Variants in SPAG16 observed in about 807,000 individuals in gnomAD.
SPAG16 encodes the protein sperm associated antigen 16.
SPAG16 carries 86 observed loss-of-function variants against 80.4 expected under a neutral mutation model. The observed-to-expected ratio is 1.07, with a 90% confidence interval of 0.90 to 1.28. SPAG16 has a LOEUF of 1.28. Among genes scored for constraint, SPAG16 ranks in the 50% most tolerant of loss-of-function variants. The pLI is 0.00. For missense variants in SPAG16, 870 were observed against 765.3 expected, an observed-to-expected ratio of 1.14 and a Z score of -1.61; for synonymous variants, 294 against 265.9, an observed-to-expected ratio of 1.11 and a Z score of -1.03.
At chr2:214,145,069 T>C (rs2055570261) in intron 14 of SPAG16, among the ~76,000 whole-genome samples, 1 of 152,126 alleles carries the variant, frequency 6.6e-6, no homozygotes, top group Admixed American at 6.5e-5. Context: ...TGCCATAAGA[T>C]ATGTTTATAT....
At chr2:213,872,584 T>C (rs2075995413) in intron 11 of SPAG16, among the ~76,000 whole-genome samples, 1 of 152,170 alleles carries the variant, frequency 6.6e-6, no homozygotes, top group South Asian at 2.1e-4. Context: ...TGATTGTTTT[T>C]TTGTTATCAA....
chr2:213,360,897 T>C (rs141764608), intron 7 of SPAG16, among the ~76,000 whole-genome samples: 74 of 152,306 alleles, frequency 4.9e-4, no homozygotes, highest in Middle Eastern at 6.8e-3. Context: ...CTTTAGGATG[T>C]GAGTTAAGAG....
chr2:214,242,420 G>T (rs183088731), intron 15 of SPAG16, among the ~76,000 whole-genome samples: 2 of 152,092 alleles, frequency 1.3e-5, no homozygotes, highest in African/African-American at 4.8e-5. Context: ...TGATTCACCC[G>T]TGTCAAAGAA....
chr2:213,879,164 T>TG (rs1395545501), intron 11 of SPAG16, among the ~76,000 whole-genome samples: 1 of 146,790 alleles, frequency 6.8e-6, no homozygotes, highest in African/African-American at 2.7e-5. Flanking sequence ...AATTTTAGGA[T>TG]TTTTTTTTCT....
chr2:214,370,231 G>A (rs1382822718), intron 15 of SPAG16, among the ~76,000 whole-genome samples: 1 of 151,966 alleles, frequency 6.6e-6, no homozygotes, highest in Non-Finnish European at 1.5e-5. Context: ...CTGACATTAT[G>A]TAAATAAAAT....
chr2:214,105,537 A>G (rs2053339696), intron 13 of SPAG16, among the ~76,000 whole-genome samples: 1 of 152,200 alleles, frequency 6.6e-6, no homozygotes, highest in African/African-American at 2.4e-5. Context: ...CAAAAATTAA[A>G]TGTGGCCATT....
chr2:214,076,638 A>C (rs1441860310), intron 13 of SPAG16, among the ~76,000 whole-genome samples: 1 of 151,932 alleles, frequency 6.6e-6, no homozygotes, highest in Admixed American at 6.6e-5. Flanking sequence ...ATGTTTGACT[A>C]CTGAGTCTAT....
chr2:213,919,639 T>C (rs1210583643), intron 11 of SPAG16, among the ~76,000 whole-genome samples: 2 of 152,224 alleles, frequency 1.3e-5, no homozygotes, highest in Non-Finnish European at 2.9e-5. Context: ...AATTTTATTG[T>C]GCTGTGATGC....
At chr2:213,393,502 G>C (rs192059461) in intron 9 of SPAG16, among the ~76,000 whole-genome samples, 2 of 151,956 alleles carry the variant, frequency 1.3e-5, no homozygotes, top group Admixed American at 1.3e-4. Context: ...GGTGGCTCTA[G>C]GTCATTTCAC....
intron 10 of SPAG16, among the ~76,000 whole-genome samples, chr2:213,706,635 C>T (rs913068380): frequency 2.0e-5 from 3 of 152,152 alleles, no homozygotes; most frequent in African/African-American, 4.8e-5. Context: ...AATTGGATCA[C>T]GGCACTCCCT....
rs569970264 is a variant in SPAG16, at chr2:214,217,834, T to C, written c.1720+68568T>C. ...ATGTAGCTTCCCTGGGAGTGGCTCA[T>C]GGTGTTTTGTTAGACATTCTGAAGT... On this transcript the variant is annotated intron_variant, in intron 15 of 15. Transcript: ENST00000331683. Among the ~76,000 whole-genome samples the C allele has an allele frequency of 1.4e-4, 21 of 152,310 alleles. No homozygotes were observed. In the South Asian group the frequency reaches 4.3e-3, roughly 32 times the overall value.
At chr2:213,925,287 T>A (rs17708896) in intron 11 of SPAG16, among the ~76,000 whole-genome samples, 88,736 of 151,728 alleles carry the variant, frequency 0.58, 27,776 homozygotes, top group South Asian at 0.84. Context: ...ATATCCTTAG[T>A]AATTTCTGTA....
chr2:214,101,545 A>G (rs1409397189), intron 13 of SPAG16, among the ~76,000 whole-genome samples: 1 of 152,162 alleles, frequency 6.6e-6, no homozygotes, highest in African/African-American at 2.4e-5. Flanking sequence ...CTCTTAAGCC[A>G]GAACTCATTA....
At chr2:213,406,538 G>C (rs1187740125) in intron 9 of SPAG16, among the ~76,000 whole-genome samples, 1 of 152,018 alleles carries the variant, frequency 6.6e-6, no homozygotes. Context: ...ATAAGTCAAA[G>C]CATTGTATTT....
chr2:214,339,555 T>A (rs1425872973), intron 15 of SPAG16, among the ~76,000 whole-genome samples: 1 of 152,214 alleles, frequency 6.6e-6, no homozygotes, highest in Non-Finnish European at 1.5e-5. Flanking sequence ...AGGGAGCTTC[T>A]CAGGAGTAGA....
At chr2:214,351,064 T>C (rs1236874615) in intron 15 of SPAG16, among the ~76,000 whole-genome samples, 6 of 152,148 alleles carry the variant, frequency 3.9e-5, no homozygotes, top group Admixed American at 2.6e-4. Flanking sequence ...AGAGTGGAGA[T>C]TGTAATACTA....
chr2:213,939,643 T>A lies in SPAG16; in HGVS notation c.1400+9498T>A, dbSNP rs957803990. ...TCACACATAAACCACCCAATTAAGA[T>A]CATTTGAAGCGGTTTTCACATGAAA... On this transcript the variant is annotated intron_variant, in intron 12 of 15. Coordinates refer to ENST00000331683, the MANE Select transcript of SPAG16 (RefSeq NM_024532.5). Among the ~76,000 whole-genome samples, 11 of 152,176 alleles carry A rather than the reference T, an allele frequency of 7.2e-5. No homozygotes were observed. In the South Asian group the frequency reaches 1.9e-3, roughly 26 times the overall value.
chr2:214,386,499 A>C (rs1029187053), intron 15 of SPAG16, among the ~76,000 whole-genome samples: 1 of 152,168 alleles, frequency 6.6e-6, no homozygotes, highest in Admixed American at 6.6e-5. Flanking sequence ...ATGGAAACAA[A>C]GTTTATCAAA....
At chr2:214,041,830 A>G (rs2049022288) in intron 13 of SPAG16, among the ~76,000 whole-genome samples, 2 of 151,208 alleles carry the variant, frequency 1.3e-5, no homozygotes, top group South Asian at 2.1e-4. Flanking sequence ...ATATTTTTAA[A>G]CAAAACAATA....
Sources: allele counts gnomAD v4.1 joint callset (sites outside exome capture counted in the v4.1 genomes callset), GRCh38; gene constraint gnomAD v4.1.1; transcripts MANE v1.5; gene names NCBI Gene and HGNC (gene_info 2026-07-23, HGNC 2026-07-21).